PIK3C2A: variants seen among roughly 807,000 people sequenced by gnomAD.
The protein encoded by PIK3C2A is phosphatidylinositol 4-phosphate 3-kinase C2 domain-containing subunit alpha.
In PIK3C2A, 97 loss-of-function variants were observed where a neutral mutation model predicts 204.5. The observed-to-expected ratio is 0.47, with a 90% CI of 0.40 to 0.56. The LOEUF (loss-of-function observed/expected upper bound fraction) is 0.56. Ranked by LOEUF, PIK3C2A falls within the 20% of genes least tolerant of loss-of-function variation. The pLI is 0.00. For synonymous variants in PIK3C2A, 653 were observed against 664.4 expected (o/e 0.98, Z 0.26); for missense variants, 1,735 against 1,969.2 (o/e 0.88, Z 2.25).
chr11:17,119,761 G>T, intron 16 of PIK3C2A, 25 bp downstream of exon 16: 1 of 1,422,388 alleles, frequency 7.0e-7, no homozygotes, highest in South Asian at 1.4e-5. Context: ...AATAAAACAA[G>T]AGCAAATAAA....
At chr11:17,175,210 G>C (rs991852864) in intron 1 of PIK3C2A, among the ~76,000 whole-genome samples, 6 of 152,068 alleles carry the variant, frequency 3.9e-5, no homozygotes, top group African/African-American at 1.4e-4. Flanking sequence ...AGTGAGTATG[G>C]GTTTTTCTCA....
At chr11:17,090,914 CTT>C (rs761874478) in intron 32 of PIK3C2A, among the ~76,000 whole-genome samples, 6 of 141,060 alleles carry the variant, frequency 4.3e-5, no homozygotes, top group Admixed American at 7.1e-5. Context: ...TAATTTTTTT[CTT>C]TTTTTTTTTT....
Position 17,101,434 on chromosome 11 carries a change from C to A in PIK3C2A, c.3852G>T (p.Arg1284Ser). The A allele has an allele frequency of 1.3e-6, 2 of 1,486,572 alleles. No homozygotes were observed. The highest frequency in any genetic ancestry group is 9.1e-7 in the Non-Finnish European group (1 of 1,096,898). The allele number at this position is 1,486,572 out of a possible 1,614,324, so 92.1% of individuals were successfully genotyped here. ...GHAQMFGSFK[R>S]DRAPFVLTSD... is the part of the protein sequence containing the mutation. ...AGGTCAGCACAAAAGGAGCCCGATCCCTATTTAAAATGAAAGTACATACAA... is the reference window on the plus strand; with the variant it reads ...AGGTCAGCACAAAAGGAGCCCGATCACTATTTAAAATGAAAGTACATACAA... Residue 1284 changes from arginine (R) to serine (S), a missense_variant and splice_region_variant, in exon 25 of 33, where the codon AGG becomes AGT. Around this residue, in one of 6 missense-constraint regions of PIK3C2A, gnomAD observed 503 missense variants for 669.0 expected, o/e 0.75. Coordinates refer to ENST00000691414, the MANE Select transcript of PIK3C2A (RefSeq NM_002645.4).
At chr11:17,181,113 C>T (rs2137524977) in intron 1 of PIK3C2A, among the ~76,000 whole-genome samples, 1 of 152,260 alleles carries the variant, frequency 6.6e-6, no homozygotes, top group South Asian at 2.1e-4. Context: ...CCTTTCTGGA[C>T]ACTATCTCCC....
At chr11:17,100,616 G>A (rs888072429) in intron 25 of PIK3C2A, among the ~76,000 whole-genome samples, 1 of 152,062 alleles carries the variant, frequency 6.6e-6, no homozygotes, top group Non-Finnish European at 1.5e-5. Context: ...GGCTTTTAGT[G>A]CATCACTTGA....
chr11:17,106,880 C>G (rs906543748), intron 22 of PIK3C2A, among the ~76,000 whole-genome samples: 1 of 152,192 alleles, frequency 6.6e-6, no homozygotes, highest in Non-Finnish European at 1.5e-5. Flanking sequence ...TTCCAGAATA[C>G]GTTAGCACTT....
At chr11:17,154,424 AGTTCTTT>A (rs1850518888) in intron 3 of PIK3C2A, among the ~76,000 whole-genome samples, 1 of 152,224 alleles carries the variant, frequency 6.6e-6, no homozygotes, top group Admixed American at 6.5e-5. Flanking sequence ...TTAAATATTA[AGTTCTTT>A]AACATTAAAA....
At chr11:17,183,266 T>C (rs1851628137) in intron 1 of PIK3C2A, among the ~76,000 whole-genome samples, 1 of 152,240 alleles carries the variant, frequency 6.6e-6, no homozygotes. Flanking sequence ...AAATATTAAA[T>C]AGAAAATTCC....
Position 17,091,785 on chromosome 11 carries a change from C to G in PIK3C2A, c.4643-129G>C, listed in dbSNP as rs61763087. The G allele has an allele frequency of 1.5e-3, 1,029 of 679,420 alleles. 16 individuals carry two copies. In the African/African-American group the frequency reaches 0.017, roughly 11 times the overall value. 42.1% of individuals were successfully genotyped at this position (679,420 alleles called of 1,614,324 possible). A position where few individuals can be genotyped will look rare whatever the true frequency, so the allele number is the denominator to read the frequency against. On this transcript the variant is annotated intron_variant, in intron 30 of 32. Transcript: ENST00000691414. ...AGAAGGGAGGGGAAAAAGGAGTAAA[C>G]AACCTGATAGGTCATTGATTTATAC...
At chr11:17,136,312 A>G (rs914534933) in intron 9 of PIK3C2A, among the ~76,000 whole-genome samples, 170 bp downstream of exon 9, 1 of 152,206 alleles carries the variant, frequency 6.6e-6, no homozygotes, top group African/African-American at 2.4e-5. Flanking sequence ...AAGCTCTTCC[A>G]AGGCAGCCCA....
rs201539870 is a variant in PIK3C2A, at chr11:17,129,474, G to A, written c.2232-7C>T. 133 of 1,562,970 alleles carry A rather than the reference G, an allele frequency of 8.5e-5. No homozygotes were observed. Among genetic ancestry groups the A allele is most frequent in the South Asian group, 1.5e-4 (13 of 88,816 alleles). ...CTGGATAGGAAAAATGATTCTATGG[G>A]GGGAAAAATGTATTAATAGAACAAA... On this transcript the variant is annotated splice_region_variant and splice_polypyrimidine_tract_variant and intron_variant, in intron 12 of 32. Coordinates refer to ENST00000691414, the MANE Select transcript of PIK3C2A (RefSeq NM_002645.4).
intron 1 of PIK3C2A, among the ~76,000 whole-genome samples, chr11:17,190,856 T>A (rs1851916416): frequency 6.6e-6 from 1 of 152,050 alleles, no homozygotes; most frequent in South Asian, 2.1e-4. Context: ...CAATTTCAAA[T>A]GGTCTAATAT....
At chr11:17,140,943 G>C (rs1271635556) in intron 8 of PIK3C2A, among the ~76,000 whole-genome samples, 1 of 152,110 alleles carries the variant, frequency 6.6e-6, no homozygotes. Flanking sequence ...GTAAGGGTGA[G>C]CCATGCAAAT....
At chr11:17,119,456 T>C in intron 16 of PIK3C2A, 143 bp from the exon 17 acceptor site, 1 of 653,116 alleles carries the variant, frequency 1.5e-6, no homozygotes, top group East Asian at 2.8e-5. Context: ...TTCTTCTTTT[T>C]GTAAGAAGAC....
At chr11:17,143,451 A>C (rs1590957280) in intron 8 of PIK3C2A, among the ~76,000 whole-genome samples, 1 of 151,926 alleles carries the variant, frequency 6.6e-6, no homozygotes, top group East Asian at 1.9e-4. Flanking sequence ...TAAACAATTC[A>C]CCCAACCCAC....
intron 1 of PIK3C2A, among the ~76,000 whole-genome samples, chr11:17,206,719 T>C (rs1852592260): frequency 6.6e-6 from 1 of 152,192 alleles, no homozygotes; most frequent in South Asian, 2.1e-4. Flanking sequence ...TGGACTTCTG[T>C]GCAGCCTTCC....
At chr11:17,200,659 T>C (rs1226703771) in intron 1 of PIK3C2A, among the ~76,000 whole-genome samples, 1 of 152,212 alleles carries the variant, frequency 6.6e-6, no homozygotes, top group Non-Finnish European at 1.5e-5. Context: ...GATGGAAATA[T>C]TCTATATCTT....
intron 32 of PIK3C2A, 111 bp downstream of exon 32, chr11:17,091,223 C>T (rs1399379251): frequency 1.1e-5 from 10 of 895,108 alleles, no homozygotes; most frequent in African/African-American, 1.7e-5. Flanking sequence ...CACAATGGTA[C>T]GTTTAGCTAT....
intron 23 of PIK3C2A, among the ~76,000 whole-genome samples, chr11:17,103,559 A>G (rs973466605): frequency 1.3e-5 from 2 of 152,174 alleles, no homozygotes; most frequent in South Asian, 2.1e-4. Context: ...TGATGATAAC[A>G]GCAAATGTTT....
Sources: gnomAD v4.1 joint callset for allele counts (sites outside exome capture counted in the v4.1 genomes callset) on GRCh38, gnomAD v4.1.1 for gene constraint, gnomAD v4.1.1 regional missense constraint, MANE v1.5 for transcripts, NCBI Gene and HGNC (gene_info 2026-07-23, HGNC 2026-07-21) for gene names.